Variants in ROBO2 observed in about 807,000 individuals in gnomAD.
ROBO2 encodes the protein roundabout guidance receptor 2.
ROBO2 carries 53 observed loss-of-function variants against 160.8 expected under a neutral mutation model. The observed-to-expected ratio is 0.33, with a 90% CI of 0.26 to 0.41. The LOEUF (loss-of-function observed/expected upper bound fraction) is 0.41, where lower values mean the gene tolerates loss of function less well. ROBO2 is among the 10% of genes least tolerant of loss of function. The pLI is 1.00. For synonymous variants in ROBO2, 664 were observed against 611.7 expected, an observed-to-expected ratio of 1.09 and a Z score of -1.26; for missense variants, 1,577 against 1,722.4, an observed-to-expected ratio of 0.92 and a Z score of 1.49.
At chr3:77,040,494 A>C in exon 1 of ROBO2, 1 of 1,300,102 alleles carries the variant, frequency 7.7e-7, no homozygotes, top group Non-Finnish European at 9.8e-7. Flanking sequence ...GGTTAGACAC[A>C]CTCGAATAAT....
intron 2 of ROBO2, among the ~76,000 whole-genome samples, chr3:77,308,856 G>A (rs2153420477): frequency 6.6e-6 from 1 of 152,226 alleles, no homozygotes; most frequent in East Asian, 1.9e-4. Context: ...TGACTATATA[G>A]ATACATGTAT....
chr3:76,297,033 T>C (rs1445980903), intron 2 of ROBO2, among the ~76,000 whole-genome samples: 4 of 152,228 alleles, frequency 2.6e-5, no homozygotes, highest in Non-Finnish European at 4.4e-5. Flanking sequence ...ACATCTTCTG[T>C]AGCAGAATGT....
chr3:77,218,741 G>A (rs948598837), intron 2 of ROBO2, among the ~76,000 whole-genome samples: 2 of 152,058 alleles, frequency 1.3e-5, no homozygotes, highest in African/African-American at 2.4e-5. Flanking sequence ...TCCATTATAA[G>A]TATTCTGCAG....
chr3:76,429,787 A>G (rs1559932105), intron 2 of ROBO2, among the ~76,000 whole-genome samples: 1 of 152,188 alleles, frequency 6.6e-6, no homozygotes, highest in Non-Finnish European at 1.5e-5. Flanking sequence ...ATTTTCTTCC[A>G]GGGCTCTGGT....
chr3:77,064,942 T>C (rs2066693211), intron 1 of ROBO2, among the ~76,000 whole-genome samples: 1 of 152,086 alleles, frequency 6.6e-6, no homozygotes, highest in Admixed American at 6.5e-5. Context: ...AATTCTCAGC[T>C]GAAAGCAAAA....
At chr3:77,070,678 A>G (rs576293791) in intron 1 of ROBO2, among the ~76,000 whole-genome samples, 1 of 152,276 alleles carries the variant, frequency 6.6e-6, no homozygotes, top group South Asian at 2.1e-4. Context: ...GAGGCATGGA[A>G]TGGGATAGAT....
chr3:77,278,795 ATAG>A (rs1160118020), intron 2 of ROBO2, among the ~76,000 whole-genome samples: 1 of 152,082 alleles, frequency 6.6e-6, no homozygotes, highest in African/African-American at 2.4e-5. Context: ...AGTTGTGGAG[ATAG>A]TAGCAATAAG....
At chr3:76,842,669 G>A (rs961961833) in intron 2 of ROBO2, among the ~76,000 whole-genome samples, 1 of 152,118 alleles carries the variant, frequency 6.6e-6, no homozygotes, top group Non-Finnish European at 1.5e-5. Context: ...TATTGTTATT[G>A]CTGTTATGAG....
At chr3:77,433,486 GTATATATATATATATATATATATA>G (rs57475227) in intron 2 of ROBO2, among the ~76,000 whole-genome samples, 2 of 99,402 alleles carry the variant, frequency 2.0e-5, no homozygotes, top group African/African-American at 3.5e-5. Context: ...CTGGCAACTT[GTATATATATATATATATATATATA>G]TATATATATT....
At chr3:76,160,741 G>A (rs576794709) in intron 2 of ROBO2, among the ~76,000 whole-genome samples, 1 of 152,124 alleles carries the variant, frequency 6.6e-6, no homozygotes, top group African/African-American at 2.4e-5. Context: ...TTTTCAAACT[G>A]AGGTCTTATC....
At chr3:77,216,555 T>A (rs2084982271) in intron 2 of ROBO2, among the ~76,000 whole-genome samples, 1 of 152,194 alleles carries the variant, frequency 6.6e-6, no homozygotes, top group African/African-American at 2.4e-5. Context: ...CTGCTTCAGC[T>A]CATGCTCAGT....
chr3:77,606,860 G>A (rs2094535936), intron 20 of ROBO2, among the ~76,000 whole-genome samples: 1 of 152,188 alleles, frequency 6.6e-6, no homozygotes, highest in Non-Finnish European at 1.5e-5. Context: ...TGTGGTGGGA[G>A]CCACAGAAGT....
chr3:75,961,132 C>A (rs551134476), intron 2 of ROBO2, among the ~76,000 whole-genome samples: 2 of 151,492 alleles, frequency 1.3e-5, no homozygotes, highest in South Asian at 4.2e-4. Flanking sequence ...GAAACTGGGC[C>A]CTAGTCTATT....
chr3:77,129,235 T>G (rs1028282825), intron 2 of ROBO2, among the ~76,000 whole-genome samples: 1 of 152,182 alleles, frequency 6.6e-6, no homozygotes, highest in African/African-American at 2.4e-5. Context: ...ATATTTATGG[T>G]GTACAGTGGG....
chr3:76,400,255 A>T lies in ROBO2; in HGVS notation c.109+462653A>T, dbSNP rs538967360. Among the ~76,000 whole-genome samples the T allele has an allele frequency of 7.2e-4, 109 of 151,750 alleles. No individual in the cohort carries two copies. In the South Asian group the frequency reaches 0.022, roughly 31 times the overall value. On this transcript the variant is annotated intron_variant, in intron 2 of 26. Transcript: ENST00000487694. Reference sequence around the variant, plus strand: ...CTTATTGAATTGGAGAAATCAGACTAAGCCTCAATAACCGTTTTCATTTCT... The same window carrying T: ...CTTATTGAATTGGAGAAATCAGACTTAGCCTCAATAACCGTTTTCATTTCT...
intron 2 of ROBO2, among the ~76,000 whole-genome samples, chr3:76,098,429 T>C (rs575379320): frequency 4.6e-5 from 7 of 151,912 alleles, no homozygotes; most frequent in African/African-American, 1.7e-4. Context: ...TTTTTGTGTT[T>C]GGATGAGTTT....
intron 2 of ROBO2, among the ~76,000 whole-genome samples, chr3:76,774,269 T>C (rs1302569185): frequency 6.6e-6 from 1 of 150,938 alleles, no homozygotes; most frequent in Non-Finnish European, 1.5e-5. Context: ...AAACTCTAAT[T>C]TGCAAGATAT....
At chr3:77,159,272 C>A (rs914014498) in intron 2 of ROBO2, among the ~76,000 whole-genome samples, 5 of 152,122 alleles carry the variant, frequency 3.3e-5, no homozygotes, top group African/African-American at 4.8e-5. Flanking sequence ...TTCAATTTCC[C>A]CCAACCATCA....
intron 2 of ROBO2, among the ~76,000 whole-genome samples, chr3:76,733,979 A>G (rs1291451632): frequency 6.6e-6 from 1 of 152,134 alleles, no homozygotes; most frequent in East Asian, 1.9e-4. Context: ...ATCTATCGTT[A>G]TATTTTCACA....
Sources: gnomAD v4.1 joint callset for allele counts (sites outside exome capture counted in the v4.1 genomes callset) on GRCh38, gnomAD v4.1.1 for gene constraint, MANE v1.5 for transcripts, NCBI Gene and HGNC (gene_info 2026-07-23, HGNC 2026-07-21) for gene names.